Variants in AXIN1 observed in about 807,000 individuals in gnomAD.
AXIN1 encodes axin-1.
A neutral mutation model predicts 76.4 loss-of-function variants in AXIN1; 30 were observed. That is an observed-to-expected ratio of 0.39 (90% CI 0.29 to 0.53). The LOEUF (loss-of-function observed/expected upper bound fraction) is 0.53, where lower values mean the gene tolerates loss of function less well. AXIN1 is among the 20% of genes least tolerant of loss of function. The probability of loss-of-function intolerance (pLI) is 0.66; values close to 1 mark genes in which losing one functional copy is unlikely to be tolerated. For synonymous variants in AXIN1, 545 were observed against 501.4 expected (o/e 1.09, Z -1.16); for missense variants, 1,140 against 1,198.8 (o/e 0.95, Z 0.72).
chr16:288,761 C>A (rs1268484136), intron 10 of AXIN1, among the ~76,000 whole-genome samples: 1 of 152,260 alleles, frequency 6.6e-6, no homozygotes, highest in African/African-American at 2.4e-5. Flanking sequence ...ACGCAGGGCC[C>A]TGCAGGGCTG....
chr16:333,241 A>C (rs1007767527), intron 2 of AXIN1, among the ~76,000 whole-genome samples: 4 of 151,986 alleles, frequency 2.6e-5, no homozygotes, highest in African/African-American at 9.7e-5. Flanking sequence ...CTGAGGCAGG[A>C]GAATTGCTTG....
intron 7 of AXIN1, among the ~76,000 whole-genome samples, chr16:295,766 A>G (rs1170416095): frequency 6.6e-6 from 1 of 151,850 alleles, no homozygotes. Context: ...GTTCGAGATC[A>G]GCCTAACATG....
intron 4 of AXIN1, among the ~76,000 whole-genome samples, chr16:308,161 C>A (rs11865309): frequency 0.35 from 52,769 of 152,206 alleles, 10,851 homozygotes; most frequent in African/African-American, 0.57. Context: ...CCTGCCGCCT[C>A]TGTTGGCTTT....
intron 8 of AXIN1, chr16:293,000 GTCCAGGACGACACTTC>G (rs2052611267): frequency 1.2e-5 from 2 of 172,154 alleles, no homozygotes; most frequent in Non-Finnish European, 2.5e-5. Context: ...TGGGCTGGAC[GTCCAGGACGACACTTC>G]TACATCTGCA....
At chr16:326,470 C>T (rs942161414) in intron 2 of AXIN1, among the ~76,000 whole-genome samples, 4 of 150,614 alleles carry the variant, frequency 2.7e-5, no homozygotes, top group Non-Finnish European at 5.9e-5. Context: ...GATTGAGAGC[C>T]GGACACGGTG....
At chr16:333,390 T>G in intron 2 of AXIN1, among the ~76,000 whole-genome samples, 1 of 147,920 alleles carries the variant, frequency 6.8e-6, no homozygotes. Context: ...CTCTGGAGGC[T>G]GAGGCAGGAG....
Position 287,983 on chromosome 16 carries a change from A to G in AXIN1, c.*139T>C, listed in dbSNP as rs1413012657. The G allele has an allele frequency of 5.5e-6, 8 of 1,449,852 alleles. No individual in the cohort carries two copies. The East Asian group carries it at 1.8e-4, about 33-fold the overall frequency. 89.8% of individuals were successfully genotyped at this position (1,449,852 alleles called of 1,614,324 possible). A position where few individuals can be genotyped will look rare whatever the true frequency, so the allele number is the denominator to read the frequency against. ...GGAGGGACCCCCTACCTGCCTCTAG[A>G]CACGGGTAGACCACAGGGATGGGTG... is the stretch of plus-strand genomic sequence containing the variant. On this transcript the variant is annotated 3_prime_UTR_variant, in exon 11 of 11. Coordinates refer to ENST00000262320, the MANE Select transcript of AXIN1 (RefSeq NM_003502.4).
chr16:315,988 G>A (rs1021556412), intron 2 of AXIN1, among the ~76,000 whole-genome samples: 1 of 152,150 alleles, frequency 6.6e-6, no homozygotes, highest in African/African-American at 2.4e-5. Flanking sequence ...GGGAGGCAGA[G>A]ATTGCAGTAA....
intron 1 of AXIN1, among the ~76,000 whole-genome samples, chr16:349,872 C>T (rs1482160528): frequency 1.3e-5 from 2 of 152,204 alleles, no homozygotes; most frequent in Admixed American, 1.3e-4. Flanking sequence ...GATCTCAGCT[C>T]ACTGCAGCCT....
chr16:293,263 C>T lies in AXIN1; in HGVS notation c.2186+225G>A, dbSNP rs999520810. 1.5e-5 allele frequency: 9 copies of T among 593,618 alleles called. No individual in the cohort carries two copies. Among genetic ancestry groups the T allele is most frequent in the Non-Finnish European group, 2.7e-5 (9 of 333,976 alleles). 36.8% of individuals were successfully genotyped at this position (593,618 alleles called of 1,614,324 possible). On this transcript the variant is annotated intron_variant, in intron 8 of 10. Transcript: ENST00000262320. The surrounding 1 kb of genome is among the most constrained non-coding windows in gnomAD (Gnocchi z 4.6). ...CCCGCCTCCAGAGCAATGAGCGCGG[C>T]GGCCTCGGGTGTGTGAAAGCTCCAG...
In AXIN1 at chr16:349,104, A is replaced by AAAAATAAAAT. The variant is rs56249181; in HGVS notation, c.-81-2008_-81-1999dup. On this transcript the variant is annotated intron_variant, in intron 1 of 10. Coordinates refer to ENST00000262320, the MANE Select transcript of AXIN1 (RefSeq NM_003502.4). The stretch of plus-strand genomic sequence containing the variant: ...GCGACAGAGTGAGACTCTGTCTCAA[A>AAAAATAAAAT]AAAATAAAATAAAATAAAATAAAAT... Among the ~76,000 whole-genome samples, 246 of 149,844 alleles carry AAAAATAAAAT rather than the reference A, an allele frequency of 1.6e-3. 3 individuals carry two copies. The highest frequency in any genetic ancestry group is 0.01 in the South Asian group (48 of 4,664).
rs142542443 is a variant in AXIN1, at chr16:331,749, C to T, written c.878+14399G>A. On this transcript the variant is annotated intron_variant, in intron 2 of 10. Coordinates refer to ENST00000262320, the MANE Select transcript of AXIN1 (RefSeq NM_003502.4). ...TCCAACATAACTCCACACTGCACCA[C>T]GAAGCTATAAATTCCAAAGCTAATG... is the stretch of plus-strand genomic sequence containing the variant. 1.6e-3 allele frequency among the ~76,000 whole-genome samples: 241 copies of T among 152,330 alleles called. 8 individuals carry two copies. In the East Asian group the frequency reaches 0.036, roughly 22 times the overall value.
rs569553248 is a variant in AXIN1 at position 305,689 on chromosome 16, G to A, written c.1117-1248C>T. ...CTCCCGAGTAGCTGGGACTACAGGCGCCTGCCACCATGCCCGGCTAATTTT... is the reference window on the plus strand; with the variant it reads ...CTCCCGAGTAGCTGGGACTACAGGCACCTGCCACCATGCCCGGCTAATTTT... On this transcript the variant is annotated intron_variant, in intron 4 of 10. Coordinates refer to ENST00000262320, the MANE Select transcript of AXIN1 (RefSeq NM_003502.4). 4.2e-3 allele frequency among the ~76,000 whole-genome samples: 641 copies of A among 152,064 alleles called. 1 individual carries two copies. Among genetic ancestry groups the A allele is most frequent in the Admixed American group, 5.9e-3 (90 of 15,284 alleles).
chr16:304,484 C>G (rs1358903318), intron 4 of AXIN1, 43 bp from the exon 5 acceptor site: 1 of 1,611,684 alleles, frequency 6.2e-7, no homozygotes, highest in Non-Finnish European at 8.5e-7. Flanking sequence ...TGAAAGGTCA[C>G]AGGCTAAACA....
At chr16:307,922 C>T (rs1005394612) in intron 4 of AXIN1, among the ~76,000 whole-genome samples, 7 of 152,204 alleles carry the variant, frequency 4.6e-5, no homozygotes, top group Non-Finnish European at 7.4e-5. Context: ...CAGCTGTGCC[C>T]GTGATGTGGG....
Position 310,156 on chromosome 16 carries a change from G to A in AXIN1, c.1020-87C>T, listed in dbSNP as rs528447263. ...AATAGAGCTCCTGGCCCCGACCGCC[G>A]GTCAGCAGGCAATGATGAGGACACC... On this transcript the variant is annotated intron_variant, in intron 3 of 10. Coordinates refer to ENST00000262320, the MANE Select transcript of AXIN1 (RefSeq NM_003502.4). 221 of 1,262,082 alleles carry A rather than the reference G, an allele frequency of 1.8e-4. No individual in the cohort carries two copies. In the African/African-American group the frequency reaches 2.9e-3, roughly 17 times the overall value. 78.2% of individuals were successfully genotyped at this position (1,262,082 alleles called of 1,614,324 possible).
At position 302,504 on chromosome 16, in the gene AXIN1, C is replaced by T. The variant is rs377352835; in HGVS notation, c.1254+1800G>A. ...ATCTGCAGCGACCACACCTGGTCCC[C>T]GCCATGAATCCCAGCTGCTCAACGA... is the stretch of plus-strand genomic sequence containing the variant. On this transcript the variant is annotated intron_variant, in intron 5 of 10. Transcript: ENST00000262320. Among the ~76,000 whole-genome samples the T allele has an allele frequency of 4.6e-5, 7 of 152,386 alleles. No individual in the cohort carries two copies. The South Asian group carries it at 8.3e-4, about 18-fold the overall frequency.
chr16:292,046 G>A (rs2075549881), intron 8 of AXIN1: 2 of 153,206 alleles, frequency 1.3e-5, no homozygotes, highest in Non-Finnish European at 2.9e-5. Context: ...GGCATCCCCT[G>A]CCATCATGTG....
intron 1 of AXIN1, among the ~76,000 whole-genome samples, chr16:348,728 G>C (rs992731689): frequency 6.6e-6 from 1 of 152,136 alleles, no homozygotes; most frequent in African/African-American, 2.4e-5. Context: ...ACTTGACCCA[G>C]GAGTTCAAGG....
Sources: gnomAD v4.1 joint callset for allele counts (sites outside exome capture counted in the v4.1 genomes callset) on GRCh38, gnomAD v4.1.1 for gene constraint, Gnocchi (gnomAD v3.1) non-coding constraint, MANE v1.5 for transcripts, NCBI Gene and HGNC (gene_info 2026-07-23, HGNC 2026-07-21) for gene names.